DCC: variants seen among roughly 807,000 people sequenced by gnomAD.
The protein encoded by DCC is DCC netrin 1 receptor.
A neutral mutation model predicts 172.5 loss-of-function variants in DCC; 58 were observed. The ratio of observed to expected loss-of-function variants is 0.34; its 90% confidence interval spans 0.27 to 0.42. DCC has a LOEUF of 0.42. DCC is among the 10% of genes least tolerant of loss of function. The pLI is 1.00. For synonymous variants in DCC, 709 were observed against 644.5 expected (o/e 1.10, Z -1.52); for missense variants, 1,740 against 1,791.0 (o/e 0.97, Z 0.51).
At chr18:53,112,788 A>C (rs34484416) in intron 7 of DCC, among the ~76,000 whole-genome samples, 3,217 of 151,602 alleles carry the variant, frequency 0.021, 55 homozygotes, top group Middle Eastern at 0.058. Flanking sequence ...TGGGCAGTGA[A>C]ACATAATAAG....
chr18:53,302,856 CT>C (rs900273410), intron 12 of DCC, among the ~76,000 whole-genome samples: 1 of 152,134 alleles, frequency 6.6e-6, no homozygotes, highest in Non-Finnish European at 1.5e-5. Flanking sequence ...ATGTGACCTG[CT>C]TTTTTCCCCT....
intron 2 of DCC, among the ~76,000 whole-genome samples, chr18:52,766,523 G>A (rs1325495862): frequency 1.3e-5 from 2 of 152,092 alleles, no homozygotes; most frequent in East Asian, 1.9e-4. Context: ...CGATGAAAGT[G>A]GCTCTCGGTG....
At chr18:52,754,438 C>T (rs1294274383) in intron 2 of DCC, among the ~76,000 whole-genome samples, 2 of 152,068 alleles carry the variant, frequency 1.3e-5, no homozygotes, top group Non-Finnish European at 2.9e-5. Context: ...GGGGTGGAGC[C>T]CTCATGAATG....
At chr18:52,411,938 C>T (rs185637071) in intron 1 of DCC, among the ~76,000 whole-genome samples, 2 of 152,070 alleles carry the variant, frequency 1.3e-5, no homozygotes, top group Admixed American at 6.6e-5. Flanking sequence ...TCTCAGCCCA[C>T]GTTCAAAGTG....
intron 1 of DCC, among the ~76,000 whole-genome samples, chr18:52,655,469 G>A (rs774092579): frequency 9.9e-5 from 15 of 152,092 alleles, no homozygotes; most frequent in Non-Finnish European, 2.1e-4. Context: ...TGGACAAATA[G>A]CTTCTGCAGC....
At chr18:53,365,541 C>T (rs2057996735) in intron 15 of DCC, among the ~76,000 whole-genome samples, 1 of 151,732 alleles carries the variant, frequency 6.6e-6, no homozygotes. Context: ...AGTTCATTAC[C>T]AAATTTAATG....
intron 5 of DCC, among the ~76,000 whole-genome samples, chr18:52,928,020 G>A (rs2040246464): frequency 6.6e-6 from 1 of 152,068 alleles, no homozygotes; most frequent in African/African-American, 2.4e-5. Context: ...CAACCTAAAT[G>A]CCAATCAGTG....
At chr18:52,938,871 C>A (rs751138363) in intron 5 of DCC, among the ~76,000 whole-genome samples, 14 of 151,964 alleles carry the variant, frequency 9.2e-5, no homozygotes, top group African/African-American at 3.4e-4. Context: ...CTTATCTCTT[C>A]CCCCATCCAA....
At chr18:52,503,761 A>G (rs1476191751) in intron 1 of DCC, among the ~76,000 whole-genome samples, 2 of 152,006 alleles carry the variant, frequency 1.3e-5, no homozygotes, top group Non-Finnish European at 2.9e-5. Flanking sequence ...CTCTTGTTTC[A>G]CCCAGGTTGG....
At chr18:53,516,471 G>A (rs1015958705) in intron 27 of DCC, among the ~76,000 whole-genome samples, 1 of 147,396 alleles carries the variant, frequency 6.8e-6, no homozygotes, top group African/African-American at 2.6e-5. Flanking sequence ...AAACTAAAGA[G>A]CTTCTGCACA....
At chr18:52,937,835 C>CTT (rs35513969) in intron 5 of DCC, among the ~76,000 whole-genome samples, 4 of 151,626 alleles carry the variant, frequency 2.6e-5, no homozygotes, top group African/African-American at 7.3e-5. Context: ...CCACTTGTGA[C>CTT]TTTTTTTACT....
At chr18:53,448,070 T>A (rs888062800) in intron 22 of DCC, among the ~76,000 whole-genome samples, 19 of 150,164 alleles carry the variant, frequency 1.3e-4, no homozygotes, top group Non-Finnish European at 1.5e-4. Flanking sequence ...TTTTTTTTTT[T>A]ACAAAAGCAA....
chr18:52,700,015 T>G (rs544514059), intron 1 of DCC, among the ~76,000 whole-genome samples: 1 of 151,480 alleles, frequency 6.6e-6, no homozygotes, highest in South Asian at 2.1e-4. Flanking sequence ...GAGCAATGTA[T>G]TCTTCACTCT....
intron 2 of DCC, among the ~76,000 whole-genome samples, chr18:52,837,115 C>A (rs931366608): frequency 2.0e-5 from 3 of 152,152 alleles, no homozygotes; most frequent in Admixed American, 6.5e-5. Context: ...AACAGGGCAC[C>A]AAGTCCCTAG....
At chr18:53,498,923 A>G (rs915286774) in intron 26 of DCC, among the ~76,000 whole-genome samples, 2 of 152,232 alleles carry the variant, frequency 1.3e-5, no homozygotes, top group African/African-American at 4.8e-5. Flanking sequence ...TGCAGCTGTA[A>G]CAGGGTTTGG....
At chr18:52,464,758 T>A (rs1049177467) in intron 1 of DCC, among the ~76,000 whole-genome samples, 1 of 151,038 alleles carries the variant, frequency 6.6e-6, no homozygotes, top group Non-Finnish European at 1.5e-5. Context: ...TTTTGTTGGT[T>A]TTTTTTTTCT....
chr18:53,255,385 G>T (rs558179614), intron 12 of DCC, among the ~76,000 whole-genome samples: 11 of 110,936 alleles, frequency 9.9e-5, no homozygotes, highest in Non-Finnish European at 1.2e-4. Flanking sequence ...CCCACAACAG[G>T]CCATGGTGTG....
chr18:52,456,087 C>A (rs903693022), intron 1 of DCC, among the ~76,000 whole-genome samples: 2 of 152,140 alleles, frequency 1.3e-5, no homozygotes, highest in Non-Finnish European at 2.9e-5. Flanking sequence ...GTATGAAAGA[C>A]AACTATCACT....
At chr18:52,443,889 C>A (rs1988044426) in intron 1 of DCC, among the ~76,000 whole-genome samples, 1 of 152,044 alleles carries the variant, frequency 6.6e-6, no homozygotes, top group African/African-American at 2.4e-5. Flanking sequence ...GAAAGAAGAA[C>A]CAGTTCTTGA....
Sources: gnomAD v4.1 joint callset for allele counts (sites outside exome capture counted in the v4.1 genomes callset) on GRCh38, gnomAD v4.1.1 for gene constraint, MANE v1.5 for transcripts, NCBI Gene and HGNC (gene_info 2026-07-23, HGNC 2026-07-21) for gene names.